The following OR56A1 variants were observed in gnomAD, a reference collection of about 807,000 sequenced individuals.
OR56A1 encodes olfactory receptor 56A1.
For synonymous variants in OR56A1, 174 were observed against 159.1 expected, an observed-to-expected ratio of 1.09 and a Z score of -0.70; for missense variants, 360 against 380.9, an observed-to-expected ratio of 0.94 and a Z score of 0.46.
rs940566987 is a variant in OR56A1 at position 6,024,952 on chromosome 11, G to A, written c.*1796C>T. The stretch of plus-strand genomic sequence containing the variant: ...ATGGGTATAATTTTTCTTTCCTACT[G>A]TTGTTGAGTGACTGGAAGAAACTCT... On this transcript the variant is annotated 3_prime_UTR_variant, in exon 2 of 2. Transcript: ENST00000641900. 1.3e-5 allele frequency: 2 copies of A among 152,124 alleles called. No individual in the cohort carries two copies. Among genetic ancestry groups the A allele is most frequent in the African/African-American group, 2.4e-5 (1 of 41,426 alleles). The allele number at this position is 152,124 out of a possible 1,614,324, so 9.4% of individuals were successfully genotyped here.
upstream of OR56A1, among the ~76,000 whole-genome samples, chr11:6,032,288 A>G (rs1848520098): frequency 6.6e-6 from 1 of 152,166 alleles, no homozygotes; most frequent in Non-Finnish European, 1.5e-5. Flanking sequence ...GAAAGAGTAA[A>G]TATTCAGAAG....
chr11:6,026,705 A>T lies in OR56A1; in HGVS notation c.*43T>A. 1.6e-6 allele frequency: 2 copies of T among 1,254,982 alleles called. No individual in the cohort carries two copies. Among genetic ancestry groups the T allele is most frequent in the Non-Finnish European group, 2.3e-6 (2 of 886,076 alleles). 77.7% of individuals were successfully genotyped at this position (1,254,982 alleles called of 1,614,324 possible). ...TCTACTTCGCTGCCTAGGTAAAATC[A>T]CTGAAGAGGAAGAACAGGAGGTATT... On this transcript the variant is annotated 3_prime_UTR_variant, in exon 2 of 2. Coordinates refer to ENST00000641900, the MANE Select transcript of OR56A1 (RefSeq NM_001388488.1).
At chr11:6,033,730 TA>T (rs1210107219), upstream of OR56A1, among the ~76,000 whole-genome samples, 1 of 152,016 alleles carries the variant, frequency 6.6e-6, no homozygotes, top group African/African-American at 2.4e-5. Flanking sequence ...GAATGGCTAT[TA>T]GGGGAAAAGG....
In OR56A1 at chr11:6,027,472, A is replaced by G. The variant is rs142561750; in HGVS notation, c.221T>C (p.Ile74Thr). ...GGGGATGACGGTGAGGCAGAGCACG[A>G]TGTCCAGCAGGGAGAGGAGGCTGAG... Reference protein sequence around the residue: ...YLLSLLSLLDIVLCLTVIPKV... With the variant: ...YLLSLLSLLDTVLCLTVIPKV... The change falls in exon 2 of 2, where the codon ATC (isoleucine) becomes ACC (threonine). Residue 74 changes from isoleucine (I) to threonine (T), a missense_variant. Ile to Thr is a moderately conservative substitution (Grantham distance 89). Transcript: ENST00000641900. 1.1e-4 allele frequency: 173 copies of G among 1,614,184 alleles called. 1 individual carries two copies. Among genetic ancestry groups the G allele is most frequent in the Middle Eastern group, 8.3e-4 (5 of 6,058 alleles).
chr11:6,028,300 T>TAA (rs1564816785), intron 1 of OR56A1, among the ~76,000 whole-genome samples: 2 of 140,684 alleles, frequency 1.4e-5, no homozygotes, highest in Non-Finnish European at 1.6e-5. Context: ...GGAATAAAAC[T>TAA]GAAAAAAAAA....
At chr11:6,033,569 A>G (rs1848532105), upstream of OR56A1, among the ~76,000 whole-genome samples, 1 of 151,664 alleles carries the variant, frequency 6.6e-6, no homozygotes, top group African/African-American at 2.4e-5. Context: ...GGCACTATGC[A>G]TTAAAAAGTT....
chr11:6,033,033 T>C (rs577156047), upstream of OR56A1, among the ~76,000 whole-genome samples: 4 of 152,124 alleles, frequency 2.6e-5, no homozygotes, highest in Non-Finnish European at 5.9e-5. Flanking sequence ...GACATAATCT[T>C]CATATCTCTT....
rs767003311 is a variant in OR56A1, at chr11:6,027,570, G to A, written c.123C>T (p.Ala41=). 6.2e-7 allele frequency: 1 copy of A among 1,613,954 alleles called. No homozygotes were observed. Among genetic ancestry groups the A allele is most frequent in the Non-Finnish European group, 8.5e-7 (1 of 1,180,028 alleles). The change falls in exon 2 of 2, where the codon GCC becomes GCT. Residue 41 remains alanine, a synonymous_variant. Coordinates refer to ENST00000641900, the MANE Select transcript of OR56A1 (RefSeq NM_001388488.1). ...TCAGGAGGGTGGTGTTAGCTCCCATGGCCAGGAGGAAGAGAAGGCTGAGGG... is the reference window on the plus strand; with the variant it reads ...TCAGGAGGGTGGTGTTAGCTCCCATAGCCAGGAGGAAGAGAAGGCTGAGGG... The part of the protein sequence containing the change: ...SLPLSLLFLL[A]MGANTTLLIT...
In OR56A1 at chr11:6,023,462, T is replaced by C. The variant is rs920657842; in HGVS notation, c.*3286A>G. ...TCCACCTTAATTCCAGAGGACTTGC[T>C]ATTCTTTCTTTCCACTGGCCTTGAT... is the stretch of plus-strand genomic sequence containing the variant. On this transcript the variant is annotated 3_prime_UTR_variant, in exon 2 of 2. Coordinates refer to ENST00000641900, the MANE Select transcript of OR56A1 (RefSeq NM_001388488.1). 6 of 152,226 alleles carry C rather than the reference T, an allele frequency of 3.9e-5. No homozygotes were observed. Among genetic ancestry groups the C allele is most frequent in the African/African-American group, 1.4e-4 (6 of 41,462 alleles). The allele number at this position is 152,226 out of a possible 1,614,324, so 9.4% of individuals were successfully genotyped here.
chr11:6,026,960 C>A lies in OR56A1; in HGVS notation c.733G>T (p.Gly245Cys). The change falls in exon 2 of 2, where the codon GGC (glycine) becomes TGC (cysteine). Residue 245 changes from glycine to cysteine, a missense_variant. Coordinates refer to ENST00000641900, the MANE Select transcript of OR56A1 (RefSeq NM_001388488.1). ...AAAAGAATGAGGATGAAGTGGGAGC[C>A]ACATGTGCTCAGGGCCTTCACTGCC... Reference protein sequence around the residue: ...GAAVKALSTCGSHFILILFFS... With the variant: ...GAAVKALSTCCSHFILILFFS... The A allele has an allele frequency of 6.2e-7, 1 of 1,614,072 alleles. No individual in the cohort carries two copies. The highest frequency in any genetic ancestry group is 8.5e-7 in the Non-Finnish European group (1 of 1,179,962).
chr11:6,023,899 G>A lies in OR56A1; in HGVS notation c.*2849C>T, dbSNP rs377493231. 2.0e-5 allele frequency: 3 copies of A among 152,114 alleles called. No homozygotes were observed. The highest frequency in any genetic ancestry group is 1.3e-4 in the Admixed American group (2 of 15,270). The allele number at this position is 152,114 out of a possible 1,614,324, so 9.4% of individuals were successfully genotyped here. ...CTGCCCTTCATGGTCTGATTCTTTGGTTATCTTGCTCCTTTATCATCTGTA... is the reference window on the plus strand; with the variant it reads ...CTGCCCTTCATGGTCTGATTCTTTGATTATCTTGCTCCTTTATCATCTGTA... On this transcript the variant is annotated 3_prime_UTR_variant, in exon 2 of 2. Transcript: ENST00000641900.
In OR56A1 at chr11:6,027,510, G is replaced by A. The variant is rs772089499; in HGVS notation, c.183C>T (p.Pro61=). Residue 61 remains proline (P), a synonymous_variant, in exon 2 of 2, where the codon CCC becomes CCT. Coordinates refer to ENST00000641900, the MANE Select transcript of OR56A1 (RefSeq NM_001388488.1). The part of the protein sequence containing the change: ...TIQLEASLHQ[P]LYYLLSLLSL... The stretch of plus-strand genomic sequence containing the variant: ...AGAGGAGGCTGAGCAGGTAGTACAG[G>A]GGCTGGTGCAGAGAGGCCTCCAGCT... The A allele has an allele frequency of 1.2e-5, 19 of 1,613,952 alleles. No homozygotes were observed. The highest frequency in any genetic ancestry group is 1.7e-4 in the Middle Eastern group (1 of 6,038).
Position 6,026,834 on chromosome 11 carries a change from G to A in OR56A1, c.859C>T (p.Pro287Ser). 1 of 1,614,128 alleles carries A rather than the reference G, an allele frequency of 6.2e-7. No individual in the cohort carries two copies. The highest frequency in any genetic ancestry group is 1.1e-5 in the South Asian group (1 of 91,086). The change falls in exon 2 of 2, where the codon CCT becomes TCT. Residue 287 changes from proline (P) to serine (S), a missense_variant. By Grantham distance (74) the Pro-to-Ser change is moderately conservative. Transcript: ENST00000641900. Reference sequence around the variant, plus strand: ...TACACAATAGGGTTCAATGCAGGAGGAATAAGGTGATGAAGGACGTTCAGC... The same window carrying A: ...TACACAATAGGGTTCAATGCAGGAGAAATAAGGTGATGAAGGACGTTCAGC... ...ILLNVLHHLI[P>S]PALNPIVYGV...
At chr11:6,031,243 G>C (rs1169256531), upstream of OR56A1, among the ~76,000 whole-genome samples, 1 of 152,116 alleles carries the variant, frequency 6.6e-6, no homozygotes, top group Non-Finnish European at 1.5e-5. Flanking sequence ...GGAGTTGAAA[G>C]AAAGAGCCAA....
intron 1 of OR56A1, among the ~76,000 whole-genome samples, chr11:6,029,011 T>G (rs560050073): frequency 3.3e-5 from 5 of 152,272 alleles, no homozygotes; most frequent in African/African-American, 1.2e-4. Flanking sequence ...GAGGCCATTA[T>G]CTTAAATGAA....
At position 6,027,296 on chromosome 11, in the gene OR56A1, G is replaced by C. The variant is rs1015803021; in HGVS notation, c.397C>G (p.Leu133Val). Residue 133 changes from leucine to valine, a missense_variant, in exon 2 of 2, where the codon CTG (leucine) becomes GTG (valine). Coordinates refer to ENST00000641900, the MANE Select transcript of OR56A1 (RefSeq NM_001388488.1). ...TTAGTGATGATGGATGGGTACCGCA[G>C]TGGGTGGCAGATGGCCACATAACGG... Reference protein sequence around the residue: ...YDRYVAICHPLRYPSIITNQF... With the variant: ...YDRYVAICHPVRYPSIITNQF... The C allele has an allele frequency of 4.3e-6, 7 of 1,614,142 alleles. No individual in the cohort carries two copies. In the African/African-American group the frequency reaches 8.0e-5, roughly 18 times the overall value.
chr11:6,021,027 C>G lies in OR56A1; in HGVS notation c.*5721G>C, dbSNP rs1848390515. ...AGATGATGTGTATAGCAGTCCTTCT[C>G]AAGTCTGACAGCCTTAAAATAAACA... is the stretch of plus-strand genomic sequence containing the variant. On this transcript the variant is annotated 3_prime_UTR_variant, in exon 2 of 2. Coordinates refer to ENST00000641900, the MANE Select transcript of OR56A1 (RefSeq NM_001388488.1). 6.6e-6 allele frequency: 1 copy of G among 152,002 alleles called. No individual in the cohort carries two copies. Among genetic ancestry groups the G allele is most frequent in the African/African-American group, 2.4e-5 (1 of 41,410 alleles). 9.4% of individuals were successfully genotyped at this position (152,002 alleles called of 1,614,324 possible). A position where few individuals can be genotyped will look rare whatever the true frequency, so the allele number is the denominator to read the frequency against.
At chr11:6,031,388 T>C (rs933298370), upstream of OR56A1, among the ~76,000 whole-genome samples, 1 of 152,076 alleles carries the variant, frequency 6.6e-6, no homozygotes, top group Admixed American at 6.5e-5. Context: ...AGATTTAGGG[T>C]ACGTACAGAA....
In OR56A1 at chr11:6,024,142, A is replaced by C. The variant is rs998442403; in HGVS notation, c.*2606T>G. On this transcript the variant is annotated 3_prime_UTR_variant, in exon 2 of 2. Transcript: ENST00000641900. ...AGATTAAAGATAGACATGATTTTTC[A>C]ACTCTTCTTTTAGCCAATTCAATAT... The C allele has an allele frequency of 6.6e-6, 1 of 152,170 alleles. No homozygotes were observed. Among genetic ancestry groups the C allele is most frequent in the Admixed American group, 6.5e-5 (1 of 15,278 alleles). 9.4% of individuals were successfully genotyped at this position (152,170 alleles called of 1,614,324 possible).
Sources: gnomAD v4.1 joint callset for allele counts (sites outside exome capture counted in the v4.1 genomes callset) on GRCh38, gnomAD v4.1.1 for gene constraint, MANE v1.5 for transcripts, NCBI Gene and HGNC (gene_info 2026-07-23, HGNC 2026-07-21) for gene names.